Variants in FARP2 observed in about 807,000 individuals in gnomAD.
FARP2 encodes FERM, ARH/RhoGEF and pleckstrin domain protein 2, also known as FERM, ARHGEF and pleckstrin domain-containing protein 2.
A neutral mutation model predicts 130.5 loss-of-function variants in FARP2; 111 were observed. That is an observed-to-expected ratio of 0.85 (90% CI 0.73 to 1.00). The LOEUF is 1.00. Among genes scored for constraint, FARP2 ranks in the 50% least tolerant of loss-of-function variants. The pLI is 0.00. For synonymous variants in FARP2, 504 were observed against 516.9 expected (o/e 0.98, Z 0.34); for missense variants, 1,385 against 1,346.3 (o/e 1.03, Z -0.45).
At chr2:241,488,070 T>A (rs2064801899) in intron 21 of FARP2, 1 of 152,178 alleles carries the variant, frequency 6.6e-6, no homozygotes, top group Non-Finnish European at 1.5e-5. Context: ...AGAACATACA[T>A]TAGCTTACAG....
intron 13 of FARP2, among the ~76,000 whole-genome samples, chr2:241,450,705 AT>A (rs1399717841): frequency 4.1e-5 from 6 of 147,716 alleles, no homozygotes. Flanking sequence ...CACACCTGTA[AT>A]CCCAGCAATT....
Position 241,476,007 on chromosome 2 carries a change from G to T in FARP2, c.2262+20G>T. ...GGCAGGGTGAGTGACCTTGCTCTGG[G>T]AATGTTTTTTGAGCTACTTTGGTTT... On this transcript the variant is annotated intron_variant, in intron 19 of 26. Transcript: ENST00000264042. The T allele has an allele frequency of 6.3e-7, 1 of 1,594,602 alleles. No individual in the cohort carries two copies. Among genetic ancestry groups the T allele is most frequent in the East Asian group, 2.2e-5 (1 of 44,558 alleles).
intron 17 of FARP2, among the ~76,000 whole-genome samples, chr2:241,464,441 A>ACCCCTCAAAACAGGGTC: frequency 7.2e-6 from 1 of 139,076 alleles, no homozygotes; most frequent in East Asian, 2.2e-4. Flanking sequence ...AGAGCAGGGG[A>ACCCCTCAAAACAGGGTC]CCCCTCAAAA....
intron 17 of FARP2, among the ~76,000 whole-genome samples, chr2:241,467,823 G>A (rs932561667): frequency 2.0e-5 from 3 of 152,156 alleles, no homozygotes; most frequent in Admixed American, 1.3e-4. Context: ...GCAGCCAGCT[G>A]CAGCCTTCCC....
At chr2:241,360,176 A>G (rs2061156268) in intron 1 of FARP2, among the ~76,000 whole-genome samples, 1 of 152,190 alleles carries the variant, frequency 6.6e-6, no homozygotes, top group African/African-American at 2.4e-5. Context: ...ATCCCTAAGC[A>G]TTTAGACTTG....
rs139895598 is a variant in FARP2, at chr2:241,493,002, C to T, written c.2861C>T (p.Thr954Ile). Residue 954 changes from threonine (T) to isoleucine (I), a missense_variant, in exon 25 of 27, where the codon ACC becomes ATC. Physicochemically the swap from Thr to Ile is moderately conservative, Grantham distance 89. Coordinates refer to ENST00000264042, the MANE Select transcript of FARP2 (RefSeq NM_014808.4). ...HGWQKLWVVF[T>I]NFCLFFYKTH... ...TGGCAGAAGCTCTGGGTCGTCTTTA[C>T]CAACTTCTGTTTGTTCTTCTACAAA... The T allele has an allele frequency of 6.8e-6, 11 of 1,609,868 alleles. No individual in the cohort carries two copies. In the African/African-American group the frequency reaches 1.5e-4, roughly 22 times the overall value.
intron 12 of FARP2, among the ~76,000 whole-genome samples, chr2:241,439,247 G>A (rs2063323753): frequency 6.6e-6 from 1 of 151,760 alleles, no homozygotes; most frequent in Non-Finnish European, 1.5e-5. Flanking sequence ...CAAACTCCTG[G>A]GCTCAAGTGA....
intron 2 of FARP2, among the ~76,000 whole-genome samples, chr2:241,382,290 C>CTCTTTTTTTT: frequency 7.9e-6 from 1 of 127,198 alleles, no homozygotes. Context: ...TGTACAAAAT[C>CTCTTTTTTTT]TATTTTTTTT....
In FARP2 at chr2:241,404,835, A is replaced by C. The variant is rs2062289870; in HGVS notation, c.325A>C (p.Ile109Leu). The C allele has an allele frequency of 6.2e-7, 1 of 1,609,326 alleles. No individual in the cohort carries two copies. Among genetic ancestry groups the C allele is most frequent in the East Asian group, 2.2e-5 (1 of 44,798 alleles). The change falls in exon 4 of 27, where the codon ATA becomes CTA. Residue 109 changes from isoleucine (I) to leucine (L), a missense_variant. Physicochemically the swap from Ile to Leu is conservative, Grantham distance 5. Coordinates refer to ENST00000264042, the MANE Select transcript of FARP2 (RefSeq NM_014808.4). ...ACCTATGAAACCCATCATTAGGCAA[A>C]TACGAAGTAAGTCCTTGGTTTGACT... is the stretch of plus-strand genomic sequence containing the variant. Reference protein sequence around the residue: ...LEPMKPIIRQIRRPKNVVLRL... With the variant: ...LEPMKPIIRQLRRPKNVVLRL...
chr2:241,469,170 TC>T (rs1196252925), intron 18 of FARP2, among the ~76,000 whole-genome samples: 2 of 151,926 alleles, frequency 1.3e-5, no homozygotes, highest in African/African-American at 4.8e-5. Flanking sequence ...TACTGCAATC[TC>T]CACTTCCCGG....
chr2:241,407,677 C>T (rs1382128770), intron 5 of FARP2, 62 bp downstream of exon 5: 3 of 1,229,776 alleles, frequency 2.4e-6, no homozygotes, highest in Admixed American at 1.8e-5. Flanking sequence ...CTGTTATCTC[C>T]CACAGCACCT....
chr2:241,475,864 G>A lies in FARP2; in HGVS notation c.2139G>A (p.Leu713=), dbSNP rs1358118256. ...AGGGGTCTCTCCACACAGACGCCCT[G>A]AAAGCCATCACAGAGGTGACCACCA... ...HHDYADCHDA[L]KAITEVTTTL... is the part of the protein sequence containing the mutation. The change falls in exon 19 of 27, where the codon CTG becomes CTA. Residue 713 remains leucine (L), a synonymous_variant. Coordinates refer to ENST00000264042, the MANE Select transcript of FARP2 (RefSeq NM_014808.4). This position sits in a 1 kb window ranked among gnomAD's most constrained non-coding sequence, Gnocchi z 4.4. 1 of 1,612,900 alleles carries A rather than the reference G, an allele frequency of 6.2e-7. No individual in the cohort carries two copies. The highest frequency in any genetic ancestry group is 2.2e-5 in the East Asian group (1 of 44,846).
chr2:241,442,376 C>CA, intron 13 of FARP2: 1 of 456,718 alleles, frequency 2.2e-6, no homozygotes, highest in Non-Finnish European at 4.4e-6. Flanking sequence ...AGCACAGAGT[C>CA]AGACTCATGG....
chr2:241,481,921 G>A (rs1233096432), intron 19 of FARP2, among the ~76,000 whole-genome samples: 2 of 152,226 alleles, frequency 1.3e-5, no homozygotes, highest in African/African-American at 4.8e-5. Context: ...CAGCTGCTCA[G>A]CCCTGGGCCT....
chr2:241,435,278 T>C (rs1375314182), intron 11 of FARP2, among the ~76,000 whole-genome samples: 1 of 150,542 alleles, frequency 6.6e-6, no homozygotes, highest in African/African-American at 2.4e-5. Flanking sequence ...TTGTTTTTTT[T>C]TTTTTTCTGT....
chr2:241,463,269 C>A (rs2064073845), intron 15 of FARP2, 66 bp from the exon 16 acceptor site: 7 of 1,568,498 alleles, frequency 4.5e-6, no homozygotes, highest in Non-Finnish European at 5.2e-6. Context: ...TACAGGCCCT[C>A]AGGGGCACAG....
chr2:241,446,803 T>C (rs1041851973), intron 13 of FARP2: 19 of 152,206 alleles, frequency 1.2e-4, no homozygotes, highest in African/African-American at 4.1e-4. Context: ...CTGGGAGCCA[T>C]GTGTATGGAA....
intron 19 of FARP2, among the ~76,000 whole-genome samples, chr2:241,481,097 CACA>C (rs2064604664): frequency 1.3e-5 from 2 of 150,748 alleles, no homozygotes; most frequent in Non-Finnish European, 2.9e-5. Context: ...GGCATGGTGG[CACA>C]CACCTGTGGT....
chr2:241,394,284 C>T (rs929289758), intron 2 of FARP2, among the ~76,000 whole-genome samples: 2 of 151,988 alleles, frequency 1.3e-5, no homozygotes, highest in Non-Finnish European at 2.9e-5. Context: ...TTTGGGAGGC[C>T]GAGGCAGGCT....
Sources: allele counts gnomAD v4.1 joint callset (sites outside exome capture counted in the v4.1 genomes callset), GRCh38; gene constraint gnomAD v4.1.1; non-coding constraint Gnocchi (gnomAD v3.1); transcripts MANE v1.5; gene names NCBI Gene and HGNC (gene_info 2026-07-23, HGNC 2026-07-21).